ACTN4: variants seen among roughly 807,000 people sequenced by gnomAD.
ACTN4 encodes the protein actinin alpha 4.
Under a neutral mutation model 114.2 loss-of-function variants are expected in ACTN4, and 18 were observed. The ratio of observed to expected loss-of-function variants is 0.16; its 90% CI spans 0.11 to 0.23. The LOEUF is 0.23. Among genes scored for constraint, ACTN4 ranks in the 10% least tolerant of loss-of-function variants. The pLI is 1.00. For synonymous variants in ACTN4, 515 were observed against 506.3 expected, an observed-to-expected ratio of 1.02 and a Z score of -0.23; for missense variants, 722 against 1,262.9, an observed-to-expected ratio of 0.57 and a Z score of 6.49.
At position 38,730,172 on chromosome 19, in the gene ACTN4, GA is replaced by G. The variant is rs897905002; in HGVS notation, c.*743del. The stretch of plus-strand genomic sequence containing the variant: ...ACAAAAACAAAAAAACTATAAAAAA[GA>G]AAGAATTAAAAACTTTCAGAGAATT... On this transcript the variant is annotated 3_prime_UTR_variant, in exon 21 of 21. Coordinates refer to ENST00000252699, the MANE Select transcript of ACTN4 (RefSeq NM_004924.6). The G allele has an allele frequency of 8.0e-6, 1 of 124,764 alleles. No individual in the cohort carries two copies. Among genetic ancestry groups the G allele is most frequent in the Non-Finnish European group, 1.7e-5 (1 of 59,010 alleles). The allele number at this position is 124,764 out of a possible 1,614,324, so 7.7% of individuals were successfully genotyped here. A position where few individuals can be genotyped will look rare whatever the true frequency, so the allele number is the denominator to read the frequency against.
chr19:38,698,517 G>A (rs1968165807), intron 1 of ACTN4, among the ~76,000 whole-genome samples: 1 of 152,230 alleles, frequency 6.6e-6, no homozygotes, highest in African/African-American at 2.4e-5. Context: ...TTAGAGACCA[G>A]AGAGCAAGGG....
At chr19:38,679,792 G>A (rs990177912) in intron 1 of ACTN4, among the ~76,000 whole-genome samples, 3 of 151,872 alleles carry the variant, frequency 2.0e-5, no homozygotes, top group Non-Finnish European at 2.9e-5. Context: ...CACCGCACCC[G>A]GCCAATGTAT....
chr19:38,668,231 G>C (rs532428634), intron 1 of ACTN4, among the ~76,000 whole-genome samples: 1 of 152,258 alleles, frequency 6.6e-6, no homozygotes, highest in East Asian at 1.9e-4. Context: ...AAGGAAGTTT[G>C]AAGATTAAAC....
In ACTN4 at chr19:38,712,070, C is replaced by T. The variant is rs184991098; in HGVS notation, c.819+1728C>T. Among the ~76,000 whole-genome samples the T allele has an allele frequency of 1.6e-3, 241 of 152,346 alleles. 1 individual carries two copies. The highest frequency in any genetic ancestry group is 5.7e-3 in the African/African-American group (236 of 41,582). On this transcript the variant is annotated intron_variant, in intron 8 of 20. Coordinates refer to ENST00000252699, the MANE Select transcript of ACTN4 (RefSeq NM_004924.6). ...GTTGGCACAGGTTCAGAGGAGGAGGCAGAATCGATTCTTGTTTACTGAACA... is the reference window on the plus strand; with the variant it reads ...GTTGGCACAGGTTCAGAGGAGGAGGTAGAATCGATTCTTGTTTACTGAACA...
In ACTN4 at chr19:38,729,957, T is replaced by G; in HGVS notation, c.*525T>G. ...AGACTCACTTGCCATTGCCAGGAGATGGCCCCAACAAGCACCCCGCTTTTG... is the reference window on the plus strand; with the variant it reads ...AGACTCACTTGCCATTGCCAGGAGAGGGCCCCAACAAGCACCCCGCTTTTG... On this transcript the variant is annotated 3_prime_UTR_variant, in exon 21 of 21. Transcript: ENST00000252699. 6.1e-6 allele frequency: 2 copies of G among 329,382 alleles called. No individual in the cohort carries two copies. Among genetic ancestry groups the G allele is most frequent in the Non-Finnish European group, 1.2e-5 (2 of 168,688 alleles). 20.4% of individuals were successfully genotyped at this position (329,382 alleles called of 1,614,324 possible).
chr19:38,686,701 C>G (rs975867267), intron 1 of ACTN4, among the ~76,000 whole-genome samples: 2 of 152,230 alleles, frequency 1.3e-5, no homozygotes, highest in Non-Finnish European at 2.9e-5. Context: ...AGACCTATCT[C>G]TTCCTGGACT....
chr19:38,707,091 G>A (rs1043976761), intron 5 of ACTN4, among the ~76,000 whole-genome samples: 1 of 152,166 alleles, frequency 6.6e-6, no homozygotes, highest in African/African-American at 2.4e-5. Context: ...GCGGCCTCAG[G>A]CTCTCTGGGA....
At chr19:38,695,718 C>T (rs1048908156) in intron 1 of ACTN4, among the ~76,000 whole-genome samples, 2 of 152,126 alleles carry the variant, frequency 1.3e-5, no homozygotes, top group African/African-American at 4.8e-5. Context: ...CATGCTCTTC[C>T]CAGTATCTGG....
At chr19:38,714,630 C>T in intron 9 of ACTN4, 69 bp downstream of exon 9, 2 of 1,509,426 alleles carry the variant, frequency 1.3e-6, no homozygotes, top group East Asian at 4.6e-5. Flanking sequence ...GTGACTCTTG[C>T]AGGGGGAAAG....
intron 8 of ACTN4, among the ~76,000 whole-genome samples, chr19:38,714,250 G>C (rs755255813): frequency 6.6e-6 from 1 of 152,214 alleles, no homozygotes; most frequent in Non-Finnish European, 1.5e-5. Flanking sequence ...GTGCCTCCAG[G>C]GTCTGGGCTT....
rs138406223 is a variant in ACTN4, at chr19:38,690,485, G to A, written c.163-10115G>A. Among the ~76,000 whole-genome samples, 713 of 152,270 alleles carry A rather than the reference G, an allele frequency of 4.7e-3. 3 individuals are homozygous for A. The highest frequency in any genetic ancestry group is 6.4e-3 in the Non-Finnish European group (432 of 68,026). ...TCCATGGTTCTCTTCCATGACCCAC[G>A]GCTTCTAATAGAGCTATAACACTCA... On this transcript the variant is annotated intron_variant, in intron 1 of 20. Transcript: ENST00000252699.
At chr19:38,658,775 A>G (rs1976784514) in intron 1 of ACTN4, among the ~76,000 whole-genome samples, 1 of 152,170 alleles carries the variant, frequency 6.6e-6, no homozygotes, top group Non-Finnish European at 1.5e-5. Context: ...CAGATATTCA[A>G]GTCCTGGAAG....
Position 38,727,797 on chromosome 19 carries a change from C to T in ACTN4, c.2338-149C>T, listed in dbSNP as rs940175656. On this transcript the variant is annotated intron_variant, in intron 18 of 20. Coordinates refer to ENST00000252699, the MANE Select transcript of ACTN4 (RefSeq NM_004924.6). The surrounding 1 kb of genome is among the most constrained non-coding windows in gnomAD (Gnocchi z 5.4). The stretch of plus-strand genomic sequence containing the variant: ...GTGCCGCCCCCGACCCCACGTGTCC[C>T]TGGCCATCTCCTTGTCCATGTTGCC... 2 of 738,300 alleles carry T rather than the reference C, an allele frequency of 2.7e-6. No homozygotes were observed. The highest frequency in any genetic ancestry group is 4.6e-6 in the Non-Finnish European group (2 of 435,286). 45.7% of individuals were successfully genotyped at this position (738,300 alleles called of 1,614,324 possible).
chr19:38,695,904 C>T (rs1041482588), intron 1 of ACTN4, among the ~76,000 whole-genome samples: 14 of 152,056 alleles, frequency 9.2e-5, no homozygotes, highest in Non-Finnish European at 1.5e-4. Context: ...GACACAAACT[C>T]GGCCCCAGGA....
chr19:38,694,170 C>T (rs934095430), intron 1 of ACTN4, among the ~76,000 whole-genome samples: 2 of 152,066 alleles, frequency 1.3e-5, no homozygotes, highest in African/African-American at 4.8e-5. Flanking sequence ...CCACCTTTTG[C>T]GAAGCGGGTG....
intron 16 of ACTN4, among the ~76,000 whole-genome samples, chr19:38,725,053 G>C (rs1969185802): frequency 6.6e-6 from 1 of 152,144 alleles, no homozygotes; most frequent in South Asian, 2.1e-4. Context: ...TGTCCTCCCA[G>C]CTCTAAAATG....
chr19:38,650,980 G>A (rs1033898009), intron 1 of ACTN4, among the ~76,000 whole-genome samples: 2 of 152,240 alleles, frequency 1.3e-5, no homozygotes, highest in East Asian at 1.9e-4. Flanking sequence ...AGATCCGCCC[G>A]CCTCGGTCTC....
intron 1 of ACTN4, among the ~76,000 whole-genome samples, chr19:38,692,461 T>G (rs1454920402): frequency 6.6e-6 from 1 of 152,234 alleles, no homozygotes; most frequent in Non-Finnish European, 1.5e-5. Context: ...TGGCAGTGGA[T>G]CTTCAAAAAG....
intron 1 of ACTN4, among the ~76,000 whole-genome samples, chr19:38,670,160 C>A (rs1432183478): frequency 6.6e-6 from 1 of 152,168 alleles, no homozygotes; most frequent in Non-Finnish European, 1.5e-5. Context: ...GAAAGAACAT[C>A]TCCTAGGTCC....
Sources: gnomAD v4.1 joint callset for allele counts (sites outside exome capture counted in the v4.1 genomes callset) on GRCh38, gnomAD v4.1.1 for gene constraint, Gnocchi (gnomAD v3.1) non-coding constraint, MANE v1.5 for transcripts, NCBI Gene and HGNC (gene_info 2026-07-23, HGNC 2026-07-21) for gene names.